Variants in SEMA3A observed in about 807,000 individuals in gnomAD.
The protein encoded by SEMA3A is semaphorin 3A.
A neutral mutation model predicts 97.9 loss-of-function variants in SEMA3A; 29 were observed. The ratio of observed to expected loss-of-function variants is 0.30; its 90% CI spans 0.22 to 0.40. The LOEUF (loss-of-function observed/expected upper bound fraction) is 0.40. SEMA3A is among the 10% of genes least tolerant of loss of function. SEMA3A has a pLI of 1.00. For synonymous variants in SEMA3A, 321 were observed against 323.7 expected (o/e 0.99, Z 0.09); for missense variants, 763 against 951.3 (o/e 0.80, Z 2.60).
At chr7:84,160,070 T>A (rs1796977438) in intron 1 of SEMA3A, among the ~76,000 whole-genome samples, 1 of 152,138 alleles carries the variant, frequency 6.6e-6, no homozygotes, top group Non-Finnish European at 1.5e-5. Context: ...TGTGAGGTCT[T>A]AAAATCTGAG....
chr7:84,135,021 T>C (rs1796081079), intron 1 of SEMA3A, 70 bp from the exon 2 acceptor site: 2 of 1,274,104 alleles, frequency 1.6e-6, no homozygotes, highest in Non-Finnish European at 2.2e-6. Flanking sequence ...TGTTGGTACA[T>C]GGTAACCTGA....
chr7:84,383,769 G>A (rs1425318823), intron 1 of SEMA3A, among the ~76,000 whole-genome samples: 1 of 152,114 alleles, frequency 6.6e-6, no homozygotes, highest in African/African-American at 2.4e-5. Context: ...TTGCTACCAT[G>A]AACAAGATTA....
chr7:84,356,653 C>T (rs1047433369), intron 2 of SEMA3A, among the ~76,000 whole-genome samples: 1 of 151,700 alleles, frequency 6.6e-6, no homozygotes, highest in Admixed American at 6.6e-5. Context: ...TTTGAAAAGC[C>T]TGTGATATTT....
chr7:84,166,295 C>T (rs1339759878), intron 1 of SEMA3A, among the ~76,000 whole-genome samples: 4 of 150,888 alleles, frequency 2.7e-5, no homozygotes, highest in East Asian at 2.0e-4. Context: ...AAAAAGAGGC[C>T]GGGCGCAGTG....
chr7:84,122,779 A>T (rs907339263), intron 3 of SEMA3A, among the ~76,000 whole-genome samples: 2 of 152,184 alleles, frequency 1.3e-5, no homozygotes, highest in African/African-American at 4.8e-5. Flanking sequence ...CACTTGGCAA[A>T]AATTAGTGCT....
chr7:84,214,101 T>C (rs895469818), intron 3 of SEMA3A, among the ~76,000 whole-genome samples: 7 of 152,250 alleles, frequency 4.6e-5, no homozygotes, highest in Admixed American at 2.0e-4. Context: ...CAGTTTTCAA[T>C]GCCCACAATA....
intron 2 of SEMA3A, among the ~76,000 whole-genome samples, chr7:84,367,989 A>C (rs1161367040): frequency 6.6e-6 from 1 of 151,220 alleles, no homozygotes; most frequent in Non-Finnish European, 1.5e-5. Flanking sequence ...CTAATTACTA[A>C]ATATAGAAAC....
At chr7:84,357,011 AT>A (rs1802576825) in intron 2 of SEMA3A, among the ~76,000 whole-genome samples, 1 of 151,920 alleles carries the variant, frequency 6.6e-6, no homozygotes, top group Non-Finnish European at 1.5e-5. Context: ...CAAAGCAGCT[AT>A]AGTATCAATA....
chr7:84,298,084 A>G (rs1800913604), intron 3 of SEMA3A, among the ~76,000 whole-genome samples: 1 of 152,172 alleles, frequency 6.6e-6, no homozygotes, highest in South Asian at 2.1e-4. Flanking sequence ...TAAGTTATAA[A>G]ATGATCCTAG....
At chr7:84,050,353 C>G (rs1187754237) in intron 5 of SEMA3A, among the ~76,000 whole-genome samples, 1 of 152,164 alleles carries the variant, frequency 6.6e-6, no homozygotes, top group African/African-American at 2.4e-5. Flanking sequence ...TATTTCTCCA[C>G]ATGCTCTCCA....
chr7:84,462,518 T>A (rs1805872474), intron 1 of SEMA3A, among the ~76,000 whole-genome samples: 1 of 152,170 alleles, frequency 6.6e-6, no homozygotes, highest in Non-Finnish European at 1.5e-5. Flanking sequence ...TTTTTGAAAT[T>A]AGAATAGCTA....
chr7:84,099,393 T>C (rs1794885175), intron 4 of SEMA3A, among the ~76,000 whole-genome samples: 1 of 152,084 alleles, frequency 6.6e-6, no homozygotes, highest in Non-Finnish European at 1.5e-5. Context: ...AAAAGAAAAG[T>C]GCATTTGAAT....
At chr7:84,280,506 G>A (rs1048772281) in intron 3 of SEMA3A, among the ~76,000 whole-genome samples, 6 of 152,026 alleles carry the variant, frequency 3.9e-5, no homozygotes, top group Admixed American at 6.6e-5. Context: ...TATAGTGGCC[G>A]GGCATGGTGG....
intron 3 of SEMA3A, among the ~76,000 whole-genome samples, chr7:84,283,611 C>G (rs1042213228): frequency 1.3e-5 from 2 of 150,706 alleles, no homozygotes; most frequent in Non-Finnish European, 3.0e-5. Flanking sequence ...ATAATAGAAA[C>G]AAAGTATCAA....
At chr7:83,987,429 G>C (rs554534122) in intron 12 of SEMA3A, among the ~76,000 whole-genome samples, 17 of 152,222 alleles carry the variant, frequency 1.1e-4, no homozygotes, top group Non-Finnish European at 1.2e-4. Flanking sequence ...CACAGCCCCA[G>C]CTGTGACTCT....
intron 15 of SEMA3A, among the ~76,000 whole-genome samples, chr7:83,970,621 A>G (rs1387033638): frequency 6.6e-6 from 1 of 152,188 alleles, no homozygotes; most frequent in Non-Finnish European, 1.5e-5. Context: ...GTTCTACTTT[A>G]TTGTAAGTTT....
At chr7:84,043,237 G>C (rs1009701771) in intron 6 of SEMA3A, among the ~76,000 whole-genome samples, 4 of 152,048 alleles carry the variant, frequency 2.6e-5, no homozygotes, top group African/African-American at 9.6e-5. Flanking sequence ...ATCTGAAAGT[G>C]TTATTCATTC....
chr7:84,454,285 G>A (rs1252712545), intron 1 of SEMA3A, among the ~76,000 whole-genome samples: 4 of 152,058 alleles, frequency 2.6e-5, no homozygotes, highest in Non-Finnish European at 5.9e-5. Context: ...GTAATACTAA[G>A]ACTTTAATGT....
chr7:84,107,179 G>C (rs1237840456), intron 4 of SEMA3A, among the ~76,000 whole-genome samples: 3 of 152,124 alleles, frequency 2.0e-5, no homozygotes, highest in Middle Eastern at 3.4e-3. Context: ...ATCTATTACT[G>C]TCTTCTCCCA....
Sources: gnomAD v4.1 joint callset for allele counts (sites outside exome capture counted in the v4.1 genomes callset) on GRCh38, gnomAD v4.1.1 for gene constraint, MANE v1.5 for transcripts, NCBI Gene and HGNC (gene_info 2026-07-23, HGNC 2026-07-21) for gene names.